The following MECOM variants were observed in gnomAD, a reference collection of about 807,000 sequenced individuals.
MECOM encodes MDS1 and EVI1 complex locus, also known as histone-lysine N-methyltransferase MECOM.
In MECOM, 13 loss-of-function variants were observed where a neutral mutation model predicts 116.3. The ratio of observed to expected loss-of-function variants is 0.11; its 90% CI spans 0.07 to 0.18. MECOM has a LOEUF of 0.18. Among genes scored for constraint, MECOM ranks in the 10% least tolerant of loss-of-function variants. The pLI is 1.00. For missense variants in MECOM, 1,299 were observed against 1,509.0 expected (o/e 0.86, Z 2.31); for synonymous variants, 528 against 535.2 (o/e 0.99, Z 0.19).
At chr3:169,131,883 G>A (rs754315756) in intron 3 of MECOM, 20 of 1,015,864 alleles carry the variant, frequency 2.0e-5, no homozygotes, top group Admixed American at 1.0e-4. Context: ...CAAACCACAC[G>A]TACTCACAGA....
At chr3:169,461,347 T>C (rs1022529615) in intron 1 of MECOM, among the ~76,000 whole-genome samples, 2 of 152,078 alleles carry the variant, frequency 1.3e-5, no homozygotes, top group Non-Finnish European at 2.9e-5. Context: ...CATTTTTACA[T>C]AAAAAAGTTG....
intron 1 of MECOM, among the ~76,000 whole-genome samples, chr3:169,576,464 A>G (rs1327624125): frequency 6.6e-6 from 1 of 152,154 alleles, no homozygotes; most frequent in Non-Finnish European, 1.5e-5. Context: ...ACATCAAAAA[A>G]GGTATTGGAA....
Position 169,160,040 on chromosome 3 carries a change from G to GT in MECOM, c.376-16209dup, listed in dbSNP as rs201998287. ...ACTTCCTATGCAAATGCCCTCTGTG[G>GT]TTTTTTTTGTTGGTGGTGGATTTTT... On this transcript the variant is annotated intron_variant, in intron 2 of 16. Coordinates refer to ENST00000651503, the MANE Select transcript of MECOM (RefSeq NM_004991.4). Among the ~76,000 whole-genome samples the GT allele has an allele frequency of 4.7e-3, 715 of 151,960 alleles. 4 individuals carry two copies. Among genetic ancestry groups the GT allele is most frequent in the African/African-American group, 0.016 (683 of 41,444 alleles).
chr3:169,583,260 T>G (rs1765333708), intron 1 of MECOM, among the ~76,000 whole-genome samples: 1 of 152,174 alleles, frequency 6.6e-6, no homozygotes, highest in Non-Finnish European at 1.5e-5. Flanking sequence ...AAGGAAGTAT[T>G]TCTCACCTAC....
At chr3:169,148,633 G>A (rs1367462072) in intron 2 of MECOM, among the ~76,000 whole-genome samples, 2 of 152,174 alleles carry the variant, frequency 1.3e-5, no homozygotes, top group Non-Finnish European at 2.9e-5. Flanking sequence ...GCGGGGGAGA[G>A]GTGGGGCAAG....
intron 1 of MECOM, among the ~76,000 whole-genome samples, chr3:169,488,896 A>G (rs1354753945): frequency 6.6e-6 from 1 of 152,026 alleles, no homozygotes; most frequent in Non-Finnish European, 1.5e-5. Flanking sequence ...GTCCAATTCA[A>G]AAATTTAGAA....
At chr3:169,529,744 A>G (rs1758372595) in intron 1 of MECOM, among the ~76,000 whole-genome samples, 2 of 152,200 alleles carry the variant, frequency 1.3e-5, no homozygotes, top group African/African-American at 4.8e-5. Context: ...TAGAATAAAG[A>G]CCCAGCATGC....
chr3:169,207,581 T>A (rs1415301395), intron 2 of MECOM, among the ~76,000 whole-genome samples: 2 of 152,184 alleles, frequency 1.3e-5, no homozygotes, highest in Non-Finnish European at 2.9e-5. Context: ...AAAAACTACA[T>A]ATAAGTACAT....
At chr3:169,328,881 A>T (rs1366326841) in intron 2 of MECOM, among the ~76,000 whole-genome samples, 1 of 152,214 alleles carries the variant, frequency 6.6e-6, no homozygotes, top group African/African-American at 2.4e-5. Flanking sequence ...GGAATACATT[A>T]TCTAACCATG....
intron 2 of MECOM, among the ~76,000 whole-genome samples, chr3:169,148,614 G>A (rs1740560440): frequency 6.6e-6 from 1 of 152,156 alleles, no homozygotes; most frequent in Non-Finnish European, 1.5e-5. Flanking sequence ...AGCGAGTCTA[G>A]GGACACTTGC....
chr3:169,146,129 C>T, intron 2 of MECOM: 1 of 652,352 alleles, frequency 1.5e-6, no homozygotes, highest in Non-Finnish European at 2.0e-6. Context: ...AGCTGTCAAC[C>T]TCCAAAGATA....
At chr3:169,498,814 A>G (rs975674288) in intron 1 of MECOM, among the ~76,000 whole-genome samples, 5 of 152,262 alleles carry the variant, frequency 3.3e-5, no homozygotes, top group Non-Finnish European at 7.3e-5. Context: ...ATGGACTTTA[A>G]ATAATGATGT....
At chr3:169,399,491 T>C (rs546922293) in intron 1 of MECOM, among the ~76,000 whole-genome samples, 3 of 152,324 alleles carry the variant, frequency 2.0e-5, no homozygotes, top group South Asian at 4.1e-4. Flanking sequence ...AATGATCTCT[T>C]CCAATACTTT....
At chr3:169,591,504 C>A (rs1394492662) in intron 1 of MECOM, among the ~76,000 whole-genome samples, 1 of 152,128 alleles carries the variant, frequency 6.6e-6, no homozygotes, top group African/African-American at 2.4e-5. Context: ...GGGTTTATTT[C>A]TCTTTGGTTT....
intron 2 of MECOM, among the ~76,000 whole-genome samples, chr3:169,289,752 A>G (rs1714134438): frequency 6.6e-6 from 1 of 152,226 alleles, no homozygotes. Context: ...AAGAGGAGGA[A>G]TTAGAAAATA....
chr3:169,533,059 T>C (rs1415648680), intron 1 of MECOM, among the ~76,000 whole-genome samples: 1 of 152,148 alleles, frequency 6.6e-6, no homozygotes, highest in African/African-American at 2.4e-5. Flanking sequence ...GTGAAGAAAT[T>C]TGTAATATAT....
At chr3:169,445,927 C>T (rs1744550275) in intron 1 of MECOM, among the ~76,000 whole-genome samples, 1 of 152,108 alleles carries the variant, frequency 6.6e-6, no homozygotes, top group South Asian at 2.1e-4. Flanking sequence ...CCCTGTAACC[C>T]CTTTGTTTTG....
rs193127293 is a variant in MECOM, at chr3:169,410,006, A to G, written c.38-28482T>C. Among the ~76,000 whole-genome samples, 245 of 152,346 alleles carry G rather than the reference A, an allele frequency of 1.6e-3. 2 individuals carry two copies. Among genetic ancestry groups the G allele is most frequent in the African/African-American group, 5.1e-3 (211 of 41,574 alleles). On this transcript the variant is annotated intron_variant, in intron 1 of 16. Coordinates refer to ENST00000651503, the MANE Select transcript of MECOM (RefSeq NM_004991.4). The stretch of plus-strand genomic sequence containing the variant: ...ATTCACCAATACTATGGCTACAAAA[A>G]TGAAATCTGAGGCCTAATTTGCCTT...
chr3:169,631,318 A>T (rs977759528), intron 1 of MECOM, among the ~76,000 whole-genome samples: 1 of 152,260 alleles, frequency 6.6e-6, no homozygotes, highest in African/African-American at 2.4e-5. Flanking sequence ...GTTCAAATGG[A>T]AAGTCAGTAT....
Sources: allele counts gnomAD v4.1 joint callset (sites outside exome capture counted in the v4.1 genomes callset), GRCh38; gene constraint gnomAD v4.1.1; transcripts MANE v1.5; gene names NCBI Gene and HGNC (gene_info 2026-07-23, HGNC 2026-07-21).